Variants in STRN observed in about 807,000 individuals in gnomAD.
STRN encodes the protein striatin.
STRN carries 53 observed loss-of-function variants against 96.3 expected under a neutral mutation model. The observed-to-expected ratio is 0.55, with a 90% CI of 0.44 to 0.69. STRN has a LOEUF of 0.69. Ranked by LOEUF, STRN falls within the 30% of genes least tolerant of loss-of-function variation. The probability of loss-of-function intolerance (pLI) is 0.00; values close to 1 mark genes in which losing one functional copy is unlikely to be tolerated. For synonymous variants in STRN, 428 were observed against 355.9 expected, an observed-to-expected ratio of 1.20 and a Z score of -2.28; for missense variants, 987 against 963.9, an observed-to-expected ratio of 1.02 and a Z score of -0.32.
chr2:36,902,917 G>A, intron 4 of STRN, 166 bp from the exon 5 acceptor site: 1 of 452,038 alleles, frequency 2.2e-6, no homozygotes, highest in South Asian at 6.7e-5. Context: ...TGCAGATGGA[G>A]CTGTCTCTTG....
intron 1 of STRN, among the ~76,000 whole-genome samples, chr2:36,926,331 A>G (rs1229411797): frequency 6.6e-6 from 1 of 152,170 alleles, no homozygotes; most frequent in African/African-American, 2.4e-5. Flanking sequence ...ATACCTCTTA[A>G]AAGTCATAAG....
intron 1 of STRN, among the ~76,000 whole-genome samples, chr2:36,958,682 G>T (rs549223527): frequency 6.6e-6 from 1 of 152,174 alleles, no homozygotes; most frequent in South Asian, 2.1e-4. Flanking sequence ...GAAGCCCTAA[G>T]ATCATGTAAT....
At chr2:36,881,042 T>G (rs1158865852) in intron 9 of STRN, among the ~76,000 whole-genome samples, 1 of 151,478 alleles carries the variant, frequency 6.6e-6, no homozygotes, top group Non-Finnish European at 1.5e-5. Context: ...CAACTAAACC[T>G]TCCTAGCCCT....
intron 10 of STRN, among the ~76,000 whole-genome samples, chr2:36,874,211 C>T (rs1257002290): frequency 1.3e-4 from 19 of 151,020 alleles, no homozygotes; most frequent in Admixed American, 1.2e-3. Context: ...TTGCAGTCAG[C>T]TAAGATCGCG....
chr2:36,930,418 C>T (rs1356828336), intron 1 of STRN, among the ~76,000 whole-genome samples: 1 of 148,920 alleles, frequency 6.7e-6, no homozygotes, highest in Non-Finnish European at 1.5e-5. Flanking sequence ...GGCAACAGAG[C>T]GAGACTCCAT....
In STRN at chr2:36,897,435, AT is replaced by A. The variant is rs753529276; in HGVS notation, c.795+2087del. On this transcript the variant is annotated intron_variant, in intron 6 of 17. Transcript: ENST00000263918. ...ATTTTTTTCCAAAAAAAACTAAAAA[AT>A]ATATATATATTTTTTTTTTGAGACA... Among the ~76,000 whole-genome samples, 963 of 145,820 alleles carry A rather than the reference AT, an allele frequency of 6.6e-3. 10 individuals are homozygous for A. Among genetic ancestry groups the A allele is most frequent in the African/African-American group, 0.023 (905 of 39,432 alleles).
intron 4 of STRN, 51 bp from the exon 5 acceptor site, chr2:36,902,802 TA>T: frequency 2.1e-6 from 3 of 1,415,044 alleles, no homozygotes; most frequent in Non-Finnish European, 2.9e-6. Flanking sequence ...CAGTATTCTA[TA>T]ATTTAATATG....
At chr2:36,922,567 A>G (rs139511145) in intron 2 of STRN, among the ~76,000 whole-genome samples, 8,854 of 151,042 alleles carry the variant, frequency 0.059, 876 homozygotes, top group African/African-American at 0.2. Flanking sequence ...TCCCTGTTAC[A>G]TGTAAGATAA....
At chr2:36,890,909 C>T (rs1249515077) in intron 7 of STRN, among the ~76,000 whole-genome samples, 2 of 152,124 alleles carry the variant, frequency 1.3e-5, no homozygotes, top group East Asian at 3.9e-4. Flanking sequence ...CAGTTTCTTC[C>T]TCTCATAGGA....
At position 36,883,998 on chromosome 2, in the gene STRN, C is replaced by T; in HGVS notation, c.1120G>A (p.Val374Met). ...VDELPSLQPSVGSPSRPSSSR... is the reference protein window; with the variant it reads ...VDELPSLQPSMGSPSRPSSSR... ...CTGCTGGGTCTGGAAGGTGAACCCACAGATGGCTGCAATGAAGGAAGTTCA... is the reference window on the plus strand; with the variant it reads ...CTGCTGGGTCTGGAAGGTGAACCCATAGATGGCTGCAATGAAGGAAGTTCA... Residue 374 changes from valine to methionine, a missense_variant, in exon 9 of 18, where the codon GTG becomes ATG. Coordinates refer to ENST00000263918, the MANE Select transcript of STRN (RefSeq NM_003162.4). 2 of 1,443,438 alleles carry T rather than the reference C, an allele frequency of 1.4e-6. No homozygotes were observed. Among genetic ancestry groups the T allele is most frequent in the South Asian group, 3.5e-5 (2 of 56,628 alleles). The allele number at this position is 1,443,438 out of a possible 1,614,324, so 89.4% of individuals were successfully genotyped here. A position where few individuals can be genotyped will look rare whatever the true frequency, so the allele number is the denominator to read the frequency against.
chr2:36,869,688 A>C lies in STRN; in HGVS notation c.1365T>G (p.Pro455=). Residue 455 remains proline, a synonymous_variant, in exon 11 of 18, where the codon CCT becomes CCG. Transcript: ENST00000263918. ...CAAAGTGACTTCTCAATGTAAACTT[A>C]GGGTTCCATGTCTTCCTCAATGCAT... ...NKDALRKTWN[P]KFTLRSHFDG... 6.2e-7 allele frequency: 1 copy of C among 1,611,248 alleles called. No individual in the cohort carries two copies. Among genetic ancestry groups the C allele is most frequent in the Non-Finnish European group, 8.5e-7 (1 of 1,178,820 alleles).
rs80333993 is a variant in STRN, at chr2:36,929,916, T to A, written c.235-4708A>T. Reference sequence around the variant, plus strand: ...TAATTTAAGGTTCTCATCTTTTGATTTGAACACAAACTTCAAAGTAAAAGA... The same window carrying A: ...TAATTTAAGGTTCTCATCTTTTGATATGAACACAAACTTCAAAGTAAAAGA... On this transcript the variant is annotated intron_variant, in intron 1 of 17. Coordinates refer to ENST00000263918, the MANE Select transcript of STRN (RefSeq NM_003162.4). Among the ~76,000 whole-genome samples, 6 of 152,222 alleles carry A rather than the reference T, an allele frequency of 3.9e-5. No individual in the cohort carries two copies. The East Asian group carries it at 7.7e-4, about 20-fold the overall frequency.
At chr2:36,866,717 G>GTA (rs949577266) in intron 12 of STRN, among the ~76,000 whole-genome samples, 1 of 152,108 alleles carries the variant, frequency 6.6e-6, no homozygotes, top group African/African-American at 2.4e-5. Context: ...CCTATGTTGG[G>GTA]TAAATATATA....
At chr2:36,907,408 G>T (rs1381440454) in intron 3 of STRN, among the ~76,000 whole-genome samples, 2 of 152,096 alleles carry the variant, frequency 1.3e-5, no homozygotes, top group African/African-American at 4.8e-5. Flanking sequence ...CCTTAGCCAG[G>T]CGTGGTGGCA....
At chr2:36,917,768 C>T (rs943462809) in intron 2 of STRN, among the ~76,000 whole-genome samples, 1 of 151,934 alleles carries the variant, frequency 6.6e-6, no homozygotes, top group Non-Finnish European at 1.5e-5. Context: ...TTTTTTATAA[C>T]AGTCTTTATA....
intron 10 of STRN, among the ~76,000 whole-genome samples, chr2:36,870,979 A>G (rs1558630365): frequency 6.6e-6 from 1 of 152,228 alleles, no homozygotes; most frequent in Non-Finnish European, 1.5e-5. Flanking sequence ...GTTAAAAAGT[A>G]AAATAAACAT....
At chr2:36,924,232 T>A (rs566103828) in intron 2 of STRN, among the ~76,000 whole-genome samples, 10 of 151,996 alleles carry the variant, frequency 6.6e-5, no homozygotes, top group Non-Finnish European at 1.2e-4. Flanking sequence ...GGCGGGCACC[T>A]GTAGTCCCAG....
rs1027034074 is a variant in STRN at position 36,840,600 on chromosome 2, C to G, written c.*8856G>C. On this transcript the variant is annotated 3_prime_UTR_variant, in exon 18 of 18. Coordinates refer to ENST00000263918, the MANE Select transcript of STRN (RefSeq NM_003162.4). ...TAATTTAGATTTTGAAATGGGCTCT[C>G]TGATTACTCAGCCAACAAATATTTA... 2 of 148,180 alleles carry G rather than the reference C, an allele frequency of 1.3e-5. No homozygotes were observed. The highest frequency in any genetic ancestry group is 2.5e-5 in the African/African-American group (1 of 39,730). The allele number at this position is 148,180 out of a possible 1,614,324, so 9.2% of individuals were successfully genotyped here.
chr2:36,952,925 C>A (rs1283651296), intron 1 of STRN, among the ~76,000 whole-genome samples: 6 of 152,140 alleles, frequency 3.9e-5, no homozygotes, highest in Non-Finnish European at 8.8e-5. Flanking sequence ...AATGGTTAAC[C>A]TTCTCATTTA....
Sources: gnomAD v4.1 joint callset for allele counts (sites outside exome capture counted in the v4.1 genomes callset) on GRCh38, gnomAD v4.1.1 for gene constraint, MANE v1.5 for transcripts, NCBI Gene and HGNC (gene_info 2026-07-23, HGNC 2026-07-21) for gene names.